Variants in ERMARD observed in about 807,000 individuals in gnomAD.
ERMARD encodes ER membrane associated RNA degradation.
ERMARD carries 71 observed loss-of-function variants against 83.9 expected under a neutral mutation model. That is an observed-to-expected ratio of 0.85 (90% CI 0.70 to 1.03). The LOEUF is 1.03. Ranked by LOEUF, ERMARD falls within the 50% of genes least tolerant of loss-of-function variation. The pLI is 0.00. For synonymous variants in ERMARD, 284 were observed against 298.6 expected, an observed-to-expected ratio of 0.95 and a Z score of 0.50; for missense variants, 838 against 810.9, an observed-to-expected ratio of 1.03 and a Z score of -0.41.
In ERMARD at chr6:169,769,425, AC is replaced by A; in HGVS notation, c.1060-112del. 6.3e-6 allele frequency: 6 copies of A among 958,696 alleles called. No individual in the cohort carries two copies. The South Asian group carries it at 1.2e-4, about 19-fold the overall frequency. 59.4% of individuals were successfully genotyped at this position (958,696 alleles called of 1,614,324 possible). A position where few individuals can be genotyped will look rare whatever the true frequency, so the allele number is the denominator to read the frequency against. ...GAAGAGCTCTCCCCAGCAGAGTCCC[AC>A]CCAGGGCTTCAGAGGACTTGATGGA... On this transcript the variant is annotated intron_variant, in intron 11 of 17. Transcript: ENST00000366773.
At chr6:169,753,235 G>A (rs939243975) in intron 1 of ERMARD, 14 of 154,396 alleles carry the variant, frequency 9.1e-5, no homozygotes, top group African/African-American at 2.6e-4. Flanking sequence ...TTGGGCGGAA[G>A]AGGGGGAGGA....
intron 10 of ERMARD, chr6:169,767,859 A>G (rs1792416644): frequency 5.6e-6 from 3 of 535,236 alleles, no homozygotes; most frequent in South Asian, 2.2e-5. Context: ...CACCACACAT[A>G]TTCATAGTCA....
chr6:169,760,564 C>A, intron 7 of ERMARD, 78 bp from the exon 8 acceptor site: 3 of 1,041,782 alleles, frequency 2.9e-6, no homozygotes, highest in Non-Finnish European at 2.8e-6. Context: ...GGCTCATTGG[C>A]ATCACTCCCC....
intron 12 of ERMARD, among the ~76,000 whole-genome samples, chr6:169,772,845 TG>T (rs1307327975): frequency 6.6e-6 from 1 of 152,170 alleles, no homozygotes; most frequent in Non-Finnish European, 1.5e-5. Context: ...TCACTGACTT[TG>T]TTTCTCATAG....
Position 169,776,450 on chromosome 6 carries a change from T to A in ERMARD, c.1521-5T>A. The A allele has an allele frequency of 1.2e-6, 2 of 1,612,614 alleles. No individual in the cohort carries two copies. Among genetic ancestry groups the A allele is most frequent in the Non-Finnish European group, 1.7e-6 (2 of 1,179,382 alleles). On this transcript the variant is annotated splice_region_variant and splice_polypyrimidine_tract_variant and intron_variant, in intron 15 of 17. Coordinates refer to ENST00000366773, the MANE Select transcript of ERMARD (RefSeq NM_018341.3). Reference sequence around the variant, plus strand: ...TGCCTGCTCCAAGTCTGGCTCTGTTTGCAGGTGGCCCCAGCTTCTCCGTGA... The same window carrying A: ...TGCCTGCTCCAAGTCTGGCTCTGTTAGCAGGTGGCCCCAGCTTCTCCGTGA...
At chr6:169,780,646 C>T (rs997555289) in intron 17 of ERMARD, among the ~76,000 whole-genome samples, 27 of 152,144 alleles carry the variant, frequency 1.8e-4, no homozygotes, top group Non-Finnish European at 2.8e-4. Flanking sequence ...GGGGAGGGCA[C>T]GCTGCCCACC....
Position 169,755,238 on chromosome 6 carries a change from T to C in ERMARD, c.176-45T>C, listed in dbSNP as rs762429413. ...GATGATGTAGATATTTTATATCATG[T>C]GATATGGAGCTATGGTGCTGAAATT... On this transcript the variant is annotated intron_variant, in intron 2 of 17. Transcript: ENST00000366773. 1.9e-6 allele frequency: 3 copies of C among 1,573,588 alleles called. No homozygotes were observed. In the South Asian group the frequency reaches 3.5e-5, roughly 19 times the overall value.
intron 9 of ERMARD, among the ~76,000 whole-genome samples, chr6:169,765,914 T>TCCCCAAAAGCCTTTTGAGATA (rs1562333208): frequency 5.2e-4 from 54 of 102,918 alleles, no homozygotes; most frequent in African/African-American, 1.1e-3. Context: ...CTCACTGAAG[T>TCCCCAAAAGCCTTTTGAGATA]GATTTCGTCA....
At chr6:169,753,581 T>C (rs1174401230) in intron 1 of ERMARD, among the ~76,000 whole-genome samples, 1 of 151,858 alleles carries the variant, frequency 6.6e-6, no homozygotes, top group Admixed American at 6.6e-5. Flanking sequence ...ATTAAGAAAG[T>C]AAAGGAATAA....
At chr6:169,755,168 T>G in intron 2 of ERMARD, 115 bp from the exon 3 acceptor site, 1 of 1,175,776 alleles carries the variant, frequency 8.5e-7, no homozygotes, top group Non-Finnish European at 1.2e-6. Flanking sequence ...GGTAAGCTAA[T>G]TGTTGATTTT....
At position 169,759,893 on chromosome 6, in the gene ERMARD, T is replaced by A. The variant is rs146747272; in HGVS notation, c.661T>A (p.Tyr221Asn). The change falls in exon 7 of 18, where the codon TAC (tyrosine) becomes AAC (asparagine). Residue 221 changes from tyrosine (Y) to asparagine (N), a missense_variant. By Grantham distance (143) the Tyr-to-Asn change is moderately radical. Coordinates refer to ENST00000366773, the MANE Select transcript of ERMARD (RefSeq NM_018341.3). ...TAGLGQLLKS[Y>N]LQNTKLTLAH... is the part of the protein sequence containing the mutation. Reference sequence around the variant, plus strand: ...AGGATTGGGTCAGTTACTGAAGAGTTACCTTCAAAACACTAAACTTACATT... The same window carrying A: ...AGGATTGGGTCAGTTACTGAAGAGTAACCTTCAAAACACTAAACTTACATT... The A allele has an allele frequency of 3.0e-4, 483 of 1,614,258 alleles. 2 individuals are homozygous for A. In the Middle Eastern group the frequency reaches 3.8e-3, roughly 13 times the overall value.
intron 13 of ERMARD, among the ~76,000 whole-genome samples, chr6:169,774,979 GCT>G (rs1793408937): frequency 6.6e-6 from 1 of 152,204 alleles, no homozygotes; most frequent in Non-Finnish European, 1.5e-5. Context: ...AGTCGCCAGA[GCT>G]CGTGCAGATT....
chr6:169,759,229 A>G (rs535487247), intron 6 of ERMARD, among the ~76,000 whole-genome samples, 164 bp downstream of exon 6: 1 of 152,318 alleles, frequency 6.6e-6, no homozygotes, highest in East Asian at 1.9e-4. Flanking sequence ...CACCAGAGTG[A>G]TGACTGGGTT....
At chr6:169,779,621 G>A (rs368669937) in intron 17 of ERMARD, among the ~76,000 whole-genome samples, 2 of 152,116 alleles carry the variant, frequency 1.3e-5, no homozygotes, top group South Asian at 2.1e-4. Context: ...AGCCTCCTGA[G>A]TAGCTGGGAC....
chr6:169,772,793 A>T (rs930216248), intron 12 of ERMARD, among the ~76,000 whole-genome samples: 223 of 141,532 alleles, frequency 1.6e-3, no homozygotes, highest in Non-Finnish European at 2.9e-3. Context: ...AAAAAAAAAA[A>T]TTGTAGGTAG....
At chr6:169,776,715 A>G (rs1387116757) in intron 16 of ERMARD, 42 bp downstream of exon 16, 2 of 1,604,630 alleles carry the variant, frequency 1.2e-6, no homozygotes, top group East Asian at 2.2e-5. Flanking sequence ...ACTGTGGGGC[A>G]GGAAGTTGTC....
intron 12 of ERMARD, among the ~76,000 whole-genome samples, chr6:169,772,302 C>T (rs78870054): frequency 0.012 from 1,885 of 152,312 alleles, 24 homozygotes; most frequent in African/African-American, 0.035. Context: ...GTGTGTCTGC[C>T]CTGCGGGGAC....
At chr6:169,759,460 C>T (rs1490349055) in intron 6 of ERMARD, among the ~76,000 whole-genome samples, 1 of 151,970 alleles carries the variant, frequency 6.6e-6, no homozygotes, top group Non-Finnish European at 1.5e-5. Context: ...CACTCTGTCA[C>T]CCACGCTGGA....
intron 9 of ERMARD, among the ~76,000 whole-genome samples, chr6:169,763,846 C>T (rs1217893798): frequency 2.0e-5 from 3 of 152,284 alleles, no homozygotes; most frequent in East Asian, 1.9e-4. Context: ...GGGCAGCTTA[C>T]GGCCCCGGAG....
Sources: gnomAD v4.1 joint callset for allele counts (sites outside exome capture counted in the v4.1 genomes callset) on GRCh38, gnomAD v4.1.1 for gene constraint, MANE v1.5 for transcripts, NCBI Gene and HGNC (gene_info 2026-07-23, HGNC 2026-07-21) for gene names.